The following SORCS1 variants were observed in gnomAD, a reference collection of about 807,000 sequenced individuals.
The protein encoded by SORCS1 is sortilin related VPS10 domain containing receptor 1, also known as VPS10 domain-containing receptor SorCS1.
Under a neutral mutation model 146.1 loss-of-function variants are expected in SORCS1, and 60 were observed. The observed-to-expected ratio is 0.41, with a 90% CI of 0.33 to 0.51. The LOEUF is 0.51. Among genes scored for constraint, SORCS1 ranks in the 20% least tolerant of loss-of-function variants. The pLI is 0.21. For missense variants in SORCS1, 1,352 were observed against 1,487.6 expected (o/e 0.91, Z 1.50); for synonymous variants, 637 against 584.0 (o/e 1.09, Z -1.31).
chr10:106,619,173 G>A (rs1028567710), intron 20 of SORCS1, among the ~76,000 whole-genome samples: 2 of 152,158 alleles, frequency 1.3e-5, no homozygotes, highest in African/African-American at 4.8e-5. Context: ...GGGTACAAAA[G>A]GAAGTTGTTC....
intron 2 of SORCS1, among the ~76,000 whole-genome samples, chr10:106,914,923 T>C (rs2138300733): frequency 1.3e-5 from 2 of 152,260 alleles, no homozygotes; most frequent in Admixed American, 1.3e-4. Context: ...CTTGCTCAGT[T>C]TCCAATCAGT....
chr10:106,968,588 G>T (rs1313670197), intron 1 of SORCS1, among the ~76,000 whole-genome samples: 2 of 152,094 alleles, frequency 1.3e-5, no homozygotes, highest in Non-Finnish European at 2.9e-5. Flanking sequence ...TCACAGGTCT[G>T]AAGAAGTCAA....
chr10:106,809,641 T>C (rs954946917), intron 3 of SORCS1, among the ~76,000 whole-genome samples: 4 of 152,138 alleles, frequency 2.6e-5, no homozygotes, highest in Non-Finnish European at 1.5e-5. Context: ...ATTCTTCCAT[T>C]AGTTCTACAG....
intron 2 of SORCS1, among the ~76,000 whole-genome samples, chr10:106,916,573 TATAC>T (rs1357292020): frequency 7.9e-6 from 1 of 126,716 alleles, no homozygotes; most frequent in African/African-American, 3.0e-5. Context: ...TGTGCATATA[TATAC>T]ACACACACAC....
intron 6 of SORCS1, among the ~76,000 whole-genome samples, chr10:106,720,916 G>A (rs1227835679): frequency 6.6e-6 from 1 of 152,006 alleles, no homozygotes; most frequent in Admixed American, 6.6e-5. Flanking sequence ...GCTTTTCAAT[G>A]CTGTGCTAGG....
intron 2 of SORCS1, among the ~76,000 whole-genome samples, chr10:106,911,846 C>A (rs116921133): frequency 6.6e-6 from 1 of 152,256 alleles, no homozygotes; most frequent in African/African-American, 2.4e-5. Flanking sequence ...GGTGTGGTGG[C>A]TCACGCCTGT....
intron 6 of SORCS1, among the ~76,000 whole-genome samples, chr10:106,725,703 G>C (rs1856103348): frequency 6.6e-6 from 1 of 151,960 alleles, no homozygotes; most frequent in South Asian, 2.1e-4. Context: ...GGCAGAGGCA[G>C]GCGGATCACT....
In SORCS1 at chr10:106,939,664, G is replaced by A. The variant is rs116133502; in HGVS notation, c.626+16849C>T. On this transcript the variant is annotated intron_variant, in intron 2 of 25. Coordinates refer to ENST00000263054, the MANE Select transcript of SORCS1 (RefSeq NM_052918.5). ...TGACCTTGCTAATACATCCCAGCAG[G>A]AGAAAGAAATAAAGCTGTGCTGAGG... Among the ~76,000 whole-genome samples the A allele has an allele frequency of 7.4e-3, 1,126 of 152,264 alleles. 18 individuals carry two copies. The highest frequency in any genetic ancestry group is 0.026 in the African/African-American group (1,072 of 41,542).
intron 1 of SORCS1, among the ~76,000 whole-genome samples, chr10:107,096,040 C>G (rs1964525271): frequency 1.3e-5 from 2 of 152,138 alleles, no homozygotes; most frequent in South Asian, 4.1e-4. Flanking sequence ...GTTTATTCCC[C>G]ATTTCCATCC....
chr10:106,743,503 C>A (rs559627933), intron 5 of SORCS1, among the ~76,000 whole-genome samples: 1 of 152,316 alleles, frequency 6.6e-6, no homozygotes, highest in South Asian at 2.1e-4. Flanking sequence ...CAGCTCACTG[C>A]AACCTCCGCC....
rs80247488 is a variant in SORCS1 at position 106,971,569 on chromosome 10, G to A, written c.559-14989C>T. 2.1e-3 allele frequency among the ~76,000 whole-genome samples: 317 copies of A among 152,322 alleles called. 4 individuals are homozygous for A. Among genetic ancestry groups the A allele is most frequent in the African/African-American group, 7.1e-3 (297 of 41,560 alleles). ...CTTTGAATTTCCTCTTGAAAGCTTAGGCTGATTAAAGGATTAAATGTTACA... is the reference window on the plus strand; with the variant it reads ...CTTTGAATTTCCTCTTGAAAGCTTAAGCTGATTAAAGGATTAAATGTTACA... On this transcript the variant is annotated intron_variant, in intron 1 of 25. Transcript: ENST00000263054.
At chr10:106,897,327 GC>G (rs1317896097) in intron 2 of SORCS1, among the ~76,000 whole-genome samples, 1 of 151,978 alleles carries the variant, frequency 6.6e-6, no homozygotes, top group Non-Finnish European at 1.5e-5. Context: ...ACCATACCTG[GC>G]CCCCAAAACT....
At chr10:106,857,303 C>A (rs974708354) in intron 2 of SORCS1, among the ~76,000 whole-genome samples, 2 of 152,196 alleles carry the variant, frequency 1.3e-5, no homozygotes, top group Non-Finnish European at 2.9e-5. Flanking sequence ...CAAAACCCCA[C>A]AGACGGAAGA....
intron 2 of SORCS1, among the ~76,000 whole-genome samples, chr10:106,899,923 A>C (rs1297019282): frequency 6.6e-6 from 1 of 151,712 alleles, no homozygotes; most frequent in Non-Finnish European, 1.5e-5. Flanking sequence ...CTTCCTCTCT[A>C]TATATTATAT....
chr10:107,088,406 G>C (rs573597781), intron 1 of SORCS1, among the ~76,000 whole-genome samples: 45 of 152,322 alleles, frequency 3.0e-4, no homozygotes, highest in Non-Finnish European at 5.0e-4. Flanking sequence ...TGCATCTGAA[G>C]GCAGGCCCTG....
intron 23 of SORCS1, among the ~76,000 whole-genome samples, chr10:106,598,807 C>G (rs995195377): frequency 6.6e-5 from 10 of 152,006 alleles, no homozygotes; most frequent in African/African-American, 2.4e-4. Flanking sequence ...TGGAAACAGA[C>G]AGTCACCTGC....
chr10:106,716,526 T>C (rs947050048), intron 6 of SORCS1, among the ~76,000 whole-genome samples: 2 of 152,224 alleles, frequency 1.3e-5, no homozygotes, highest in Admixed American at 1.3e-4. Flanking sequence ...AGCTCTGTGA[T>C]GTTGCTGGCA....
intron 18 of SORCS1, among the ~76,000 whole-genome samples, chr10:106,641,889 C>T (rs1198004718): frequency 6.6e-6 from 1 of 151,896 alleles, no homozygotes; most frequent in African/African-American, 2.4e-5. Context: ...TAGATTTTTA[C>T]TTAAAACTCA....
intron 3 of SORCS1, among the ~76,000 whole-genome samples, chr10:106,815,272 A>G (rs1174373040): frequency 6.6e-6 from 1 of 152,106 alleles, no homozygotes; most frequent in African/African-American, 2.4e-5. Context: ...CCTTCTAATA[A>G]ATGATATTTG....
Sources: allele counts gnomAD v4.1 joint callset (sites outside exome capture counted in the v4.1 genomes callset), GRCh38; gene constraint gnomAD v4.1.1; transcripts MANE v1.5; gene names NCBI Gene and HGNC (gene_info 2026-07-23, HGNC 2026-07-21).